The following SEMA3A variants were observed in gnomAD, a reference collection of about 807,000 sequenced individuals.
SEMA3A encodes semaphorin 3A.
SEMA3A carries 29 observed loss-of-function variants against 97.9 expected under a neutral mutation model. That is an observed-to-expected ratio of 0.30 (90% CI 0.22 to 0.40). The LOEUF (loss-of-function observed/expected upper bound fraction) is 0.40. SEMA3A is among the 10% of genes least tolerant of loss of function. The pLI, the probability that SEMA3A is intolerant of heterozygous loss-of-function variation, is 1.00. For missense variants in SEMA3A, 763 were observed against 951.3 expected (o/e 0.80, Z 2.60); for synonymous variants, 321 against 323.7 (o/e 0.99, Z 0.09).
chr7:84,144,184 G>C (rs1006713949), intron 1 of SEMA3A, among the ~76,000 whole-genome samples: 22 of 151,894 alleles, frequency 1.4e-4, no homozygotes, highest in Admixed American at 1.4e-3. Flanking sequence ...AATAAAGTGA[G>C]GTGTGTTCAC....
At chr7:83,964,106 T>A (rs142621092) in intron 15 of SEMA3A, among the ~76,000 whole-genome samples, 2 of 152,208 alleles carry the variant, frequency 1.3e-5, no homozygotes, top group East Asian at 3.9e-4. Context: ...ACCTGTTTCC[T>A]GATTAAGTTT....
chr7:83,986,965 CTCTT>C (rs1789658055), intron 12 of SEMA3A, among the ~76,000 whole-genome samples: 1 of 101,752 alleles, frequency 9.8e-6, no homozygotes, highest in South Asian at 2.5e-4. Context: ...TCATCTCTCT[CTCTT>C]TCACACACAC....
rs184576725 is a variant in SEMA3A at position 84,075,410 on chromosome 7, C to T, written c.454-14852G>A. Among the ~76,000 whole-genome samples, 468 of 150,986 alleles carry T rather than the reference C, an allele frequency of 3.1e-3. 3 individuals are homozygous for T. The highest frequency in any genetic ancestry group is 4.5e-3 in the Non-Finnish European group (304 of 67,850). The stretch of plus-strand genomic sequence containing the variant: ...CTGACCTCAGGTGATCCACCCGCCT[C>T]GGCCTCCCAAAGTGCTGGGATTACA... On this transcript the variant is annotated intron_variant, in intron 4 of 16. Transcript: ENST00000265362.
rs111958416 is a variant in SEMA3A, at chr7:84,475,028, C to T, written c.-246+17432G>A. ...AACATCTGTGACATCATTCTTCTTA[C>T]CTAAGGCCTCAGATGGGCTGGAGGC... is the stretch of plus-strand genomic sequence containing the variant. On this transcript the variant is annotated intron_variant, in intron 1 of 3. Transcript: ENST00000424555. Among the ~76,000 whole-genome samples the T allele has an allele frequency of 3.7e-3, 558 of 152,202 alleles. 4 individuals carry two copies. The highest frequency in any genetic ancestry group is 0.012 in the African/African-American group (513 of 41,536).
At chr7:84,109,518 G>T (rs898388414) in intron 4 of SEMA3A, among the ~76,000 whole-genome samples, 1 of 152,130 alleles carries the variant, frequency 6.6e-6, no homozygotes, top group Non-Finnish European at 1.5e-5. Context: ...AAACTGTTTT[G>T]ATTTCTAATT....
intron 6 of SEMA3A, among the ~76,000 whole-genome samples, chr7:84,026,951 G>A (rs977548494): frequency 6.6e-6 from 1 of 151,612 alleles, no homozygotes; most frequent in East Asian, 1.9e-4. Flanking sequence ...CCTGTGACAC[G>A]AGTTTACCTA....
chr7:84,377,259 G>A lies in SEMA3A; in HGVS notation c.-245-5359C>T, dbSNP rs182357098. 1.9e-3 allele frequency among the ~76,000 whole-genome samples: 295 copies of A among 152,080 alleles called. 1 individual carries two copies. Among genetic ancestry groups the A allele is most frequent in the African/African-American group, 6.9e-3 (286 of 41,486 alleles). ...TGTGGATATCTATTTTTCCTAGTAC[G>A]ACTTATTAAGGACACTGTCCTTTCC... On this transcript the variant is annotated intron_variant, in intron 1 of 3. Coordinates refer to the SEMA3A transcript ENST00000424555.
chr7:84,176,428 G>A (rs187365367), intron 1 of SEMA3A, among the ~76,000 whole-genome samples: 185 of 152,202 alleles, frequency 1.2e-3, no homozygotes, highest in African/African-American at 3.9e-3. Flanking sequence ...CCACGAGTTG[G>A]ATGTAAAACC....
intron 3 of SEMA3A, among the ~76,000 whole-genome samples, chr7:84,204,766 T>C (rs976155490): frequency 6.6e-6 from 1 of 152,174 alleles, no homozygotes; most frequent in African/African-American, 2.4e-5. Context: ...AATGTGAAGA[T>C]TGGAGAGGGC....
At chr7:84,289,122 G>T (rs1025964788) in intron 3 of SEMA3A, among the ~76,000 whole-genome samples, 29 of 152,218 alleles carry the variant, frequency 1.9e-4, no homozygotes, top group African/African-American at 6.3e-4. Flanking sequence ...GGCACAGAAT[G>T]ACAAATACTA....
chr7:84,143,099 T>C (rs447), intron 1 of SEMA3A, among the ~76,000 whole-genome samples: 125,814 of 152,084 alleles, frequency 0.83, 52,180 homozygotes, highest in East Asian at 0.95. Flanking sequence ...ATAATGTCTT[T>C]CCTGGATTAC....
At chr7:84,354,517 A>C (rs1366056710) in intron 2 of SEMA3A, among the ~76,000 whole-genome samples, 2 of 151,518 alleles carry the variant, frequency 1.3e-5, no homozygotes, top group African/African-American at 4.8e-5. Flanking sequence ...ATTTTAGGAG[A>C]ATTTTCAAAA....
chr7:83,968,020 ATTCT>A, intron 15 of SEMA3A, among the ~76,000 whole-genome samples: 2 of 152,206 alleles, frequency 1.3e-5, no homozygotes. Context: ...TATCAATTTG[ATTCT>A]TTATTAAAGC....
intron 2 of SEMA3A, among the ~76,000 whole-genome samples, chr7:84,330,426 A>G (rs1265519389): frequency 6.6e-6 from 1 of 152,090 alleles, no homozygotes; most frequent in East Asian, 1.9e-4. Context: ...AAATTATCAT[A>G]TGCACTTACT....
intron 1 of SEMA3A, among the ~76,000 whole-genome samples, chr7:84,456,362 G>A (rs1353880420): frequency 6.6e-6 from 1 of 151,658 alleles, no homozygotes; most frequent in Non-Finnish European, 1.5e-5. Flanking sequence ...CTAATTCATA[G>A]TACTCTTGGA....
chr7:84,271,916 T>C (rs1363582804), intron 3 of SEMA3A, among the ~76,000 whole-genome samples: 1 of 152,104 alleles, frequency 6.6e-6, no homozygotes, highest in Admixed American at 6.6e-5. Context: ...TATAAAATAA[T>C]ACTTTATACT....
intron 1 of SEMA3A, among the ~76,000 whole-genome samples, chr7:84,386,481 A>G (rs1486094295): frequency 3.9e-5 from 6 of 152,110 alleles, no homozygotes; most frequent in East Asian, 3.9e-4. Flanking sequence ...CCCACACTTT[A>G]TTCTCCAAAA....
At chr7:84,450,097 C>A (rs756083982) in intron 1 of SEMA3A, among the ~76,000 whole-genome samples, 8 of 151,932 alleles carry the variant, frequency 5.3e-5, no homozygotes, top group Admixed American at 3.3e-4. Context: ...GATAAATATC[C>A]AAAAGTTGGA....
intron 4 of SEMA3A, among the ~76,000 whole-genome samples, chr7:84,083,274 T>C (rs916402767): frequency 1.3e-5 from 2 of 151,994 alleles, no homozygotes; most frequent in African/African-American, 4.8e-5. Flanking sequence ...AAATACTAAT[T>C]TGAAACCATA....
Sources: gnomAD v4.1 joint callset for allele counts (sites outside exome capture counted in the v4.1 genomes callset) on GRCh38, gnomAD v4.1.1 for gene constraint, MANE v1.5 for transcripts, NCBI Gene and HGNC (gene_info 2026-07-23, HGNC 2026-07-21) for gene names.